The following BTRC variants were observed in gnomAD, a reference collection of about 807,000 sequenced individuals.
BTRC encodes the protein F-box/WD repeat-containing protein 1A.
In BTRC, 42 loss-of-function variants were observed where a neutral mutation model predicts 85.5. That is an observed-to-expected ratio of 0.49 (90% CI 0.38 to 0.64). The LOEUF (loss-of-function observed/expected upper bound fraction) is 0.64, where lower values mean the gene tolerates loss of function less well. Among genes scored for constraint, BTRC ranks in the 30% least tolerant of loss-of-function variants. The pLI is 0.00. For missense variants in BTRC, 594 were observed against 743.5 expected, an observed-to-expected ratio of 0.80 and a Z score of 2.34; for synonymous variants, 255 against 263.3, an observed-to-expected ratio of 0.97 and a Z score of 0.30.
At chr10:101,508,224 A>G (rs919338339) in intron 4 of BTRC, among the ~76,000 whole-genome samples, 2 of 152,232 alleles carry the variant, frequency 1.3e-5, no homozygotes, top group African/African-American at 2.4e-5. Context: ...CAGTCATTAA[A>G]TAATCATATA....
intron 2 of BTRC, among the ~76,000 whole-genome samples, chr10:101,459,082 A>G (rs561186554): frequency 6.6e-6 from 1 of 152,314 alleles, no homozygotes; most frequent in East Asian, 1.9e-4. Flanking sequence ...TTACACGCAT[A>G]TGCCAAAGTA....
At chr10:101,527,761 GTCTC>G (rs5787436) in intron 6 of BTRC, among the ~76,000 whole-genome samples, 50,054 of 142,218 alleles carry the variant, frequency 0.35, 11,646 homozygotes, top group African/African-American at 0.66. Context: ...CTCTTTCTCT[GTCTC>G]TCTCTCTCTC....
intron 3 of BTRC, among the ~76,000 whole-genome samples, chr10:101,473,465 CTTTTTTTT>C (rs869163139): frequency 1.9e-4 from 18 of 96,772 alleles, no homozygotes; most frequent in Admixed American, 4.9e-4. Context: ...TCTTTTTTCT[CTTTTTTTT>C]TTTTTTTTTT....
At chr10:101,450,718 T>C (rs970853966) in intron 2 of BTRC, among the ~76,000 whole-genome samples, 1 of 152,146 alleles carries the variant, frequency 6.6e-6, no homozygotes, top group Non-Finnish European at 1.5e-5. Context: ...TATAAAATTG[T>C]ATATTGGCTG....
rs532877002 is a variant in BTRC at position 101,387,145 on chromosome 10, A to G, written c.48+32917A>G. Among the ~76,000 whole-genome samples the G allele has an allele frequency of 7.2e-5, 11 of 152,190 alleles. No homozygotes were observed. The East Asian group carries it at 1.5e-3, about 21-fold the overall frequency. On this transcript the variant is annotated intron_variant, in intron 1 of 14. Coordinates refer to ENST00000370187, the MANE Select transcript of BTRC (RefSeq NM_033637.4). The stretch of plus-strand genomic sequence containing the variant: ...TTGTTCATTTATTTATATCAGTGCC[A>G]TACTATCTTATTCATATAGCTTTTT...
intron 1 of BTRC, among the ~76,000 whole-genome samples, chr10:101,428,045 T>C (rs1944307040): frequency 6.6e-6 from 1 of 152,172 alleles, no homozygotes; most frequent in Non-Finnish European, 1.5e-5. Context: ...TGCCTTCTCC[T>C]TCCAATGTGA....
At chr10:101,359,137 G>A (rs1337884598) in intron 1 of BTRC, among the ~76,000 whole-genome samples, 4 of 152,152 alleles carry the variant, frequency 2.6e-5, no homozygotes, top group Non-Finnish European at 5.9e-5. Flanking sequence ...GTGAATTAAT[G>A]TGATTAAGTA....
chr10:101,379,405 G>GT (rs1264986436), intron 1 of BTRC, among the ~76,000 whole-genome samples: 10 of 152,034 alleles, frequency 6.6e-5, no homozygotes, highest in African/African-American at 2.4e-5. Context: ...GAAAGCATTC[G>GT]TGTTAAAAAG....
chr10:101,401,965 T>C (rs530852184), intron 1 of BTRC, among the ~76,000 whole-genome samples: 1 of 152,292 alleles, frequency 6.6e-6, no homozygotes, highest in South Asian at 2.1e-4. Context: ...TCTTATGCTC[T>C]GGAGTTCTTA....
chr10:101,406,422 C>G (rs1388168321), intron 1 of BTRC, among the ~76,000 whole-genome samples: 2 of 151,972 alleles, frequency 1.3e-5, no homozygotes, highest in African/African-American at 4.8e-5. Flanking sequence ...CCTCAGCCTC[C>G]CAAAGTGCTG....
rs192155725 is a variant in BTRC at position 101,437,868 on chromosome 10, A to G, written c.156+7416A>G. Among the ~76,000 whole-genome samples, 325 of 152,152 alleles carry G rather than the reference A, an allele frequency of 2.1e-3. 3 individuals are homozygous for G. The highest frequency in any genetic ancestry group is 7.2e-3 in the African/African-American group (300 of 41,506). On this transcript the variant is annotated intron_variant, in intron 2 of 14. Transcript: ENST00000370187. ...TGAAAAAACCCCTCCACAAACACCT[A>G]TTGTCCCTTACCCACTCTCTGCCTT...
chr10:101,354,113 G>T, upstream of BTRC: 1 of 1,527,798 alleles, frequency 6.5e-7, no homozygotes, highest in Admixed American at 2.0e-5. Context: ...TCCGGGCGCT[G>T]CGTTGGCTGC....
At chr10:101,395,843 G>T (rs1468163358) in intron 1 of BTRC, among the ~76,000 whole-genome samples, 1 of 151,806 alleles carries the variant, frequency 6.6e-6, no homozygotes, top group East Asian at 1.9e-4. Context: ...TGCCTGTAGG[G>T]GACTAATGGG....
rs1190499894 is a variant in BTRC, at chr10:101,556,527, G to A, written c.*3404G>A. ...CAGATTAGTGCAGCCCGGAGGCTTAGGGTGCAGCCTCCCTGGTCTTCCTCC... is the reference window on the plus strand; with the variant it reads ...CAGATTAGTGCAGCCCGGAGGCTTAAGGTGCAGCCTCCCTGGTCTTCCTCC... On this transcript the variant is annotated 3_prime_UTR_variant, in exon 15 of 15. Transcript: ENST00000370187. 6.6e-6 allele frequency: 1 copy of A among 152,266 alleles called. No individual in the cohort carries two copies. The highest frequency in any genetic ancestry group is 1.5e-5 in the Non-Finnish European group (1 of 68,072). 9.4% of individuals were successfully genotyped at this position (152,266 alleles called of 1,614,324 possible). A position where few individuals can be genotyped will look rare whatever the true frequency, so the allele number is the denominator to read the frequency against.
intron 13 of BTRC, 140 bp downstream of exon 13, chr10:101,538,511 A>G: frequency 2.9e-6 from 2 of 683,160 alleles, no homozygotes; most frequent in East Asian, 2.7e-5. Context: ...CAACCAGTAC[A>G]TGACAATAAA....
chr10:101,424,761 A>G (rs1589450231), intron 1 of BTRC, among the ~76,000 whole-genome samples: 1 of 152,124 alleles, frequency 6.6e-6, no homozygotes, highest in South Asian at 2.1e-4. Context: ...ACTAGATACT[A>G]TATTCTTCTT....
chr10:101,508,531 A>G (rs913257258), intron 4 of BTRC, among the ~76,000 whole-genome samples: 2 of 152,024 alleles, frequency 1.3e-5, no homozygotes, highest in African/African-American at 4.8e-5. Context: ...TATATGTACC[A>G]TTTTCTTTTC....
intron 1 of BTRC, among the ~76,000 whole-genome samples, chr10:101,373,216 C>T (rs1174953803): frequency 6.6e-6 from 1 of 152,174 alleles, no homozygotes; most frequent in African/African-American, 2.4e-5. Flanking sequence ...CTGTAATTTA[C>T]ATTTGAATCT....
intron 1 of BTRC, among the ~76,000 whole-genome samples, chr10:101,368,476 T>C (rs1193722680): frequency 8.6e-5 from 5 of 58,366 alleles, no homozygotes; most frequent in Non-Finnish European, 2.0e-4. Flanking sequence ...TTTTTTTTTT[T>C]TTTTTTTTTT....
Sources: gnomAD v4.1 joint callset for allele counts (sites outside exome capture counted in the v4.1 genomes callset) on GRCh38, gnomAD v4.1.1 for gene constraint, MANE v1.5 for transcripts, NCBI Gene and HGNC (gene_info 2026-07-23, HGNC 2026-07-21) for gene names.